FOXP2: variants seen among roughly 807,000 people sequenced by gnomAD.
FOXP2 encodes the protein forkhead box P2, also known as forkhead box protein P2.
Under a neutral mutation model 115.8 loss-of-function variants are expected in FOXP2, and 12 were observed. The ratio of observed to expected loss-of-function variants is 0.10; its 90% CI spans 0.07 to 0.17. The LOEUF is 0.17. Among genes scored for constraint, FOXP2 ranks in the 10% least tolerant of loss-of-function variants. The probability of loss-of-function intolerance (pLI) is 1.00; values close to 1 mark genes in which losing one functional copy is unlikely to be tolerated. For synonymous variants in FOXP2, 328 were observed against 297.7 expected, an observed-to-expected ratio of 1.10 and a Z score of -1.05; for missense variants, 629 against 843.5, an observed-to-expected ratio of 0.75 and a Z score of 3.15.
At chr7:114,413,277 T>G (rs930200092), upstream of FOXP2, among the ~76,000 whole-genome samples, 1 of 152,110 alleles carries the variant, frequency 6.6e-6, no homozygotes, top group Non-Finnish European at 1.5e-5. Flanking sequence ...GAGAAAAAAT[T>G]TTTAAATGAA....
chr7:114,296,652 G>T (rs1055572516), intron 2 of FOXP2, among the ~76,000 whole-genome samples: 4 of 152,074 alleles, frequency 2.6e-5, no homozygotes, highest in Non-Finnish European at 4.4e-5. Context: ...ATATAATGCC[G>T]CAATAACATA....
In FOXP2 at chr7:114,117,701, T is replaced by G. The variant is rs554327150; in HGVS notation, c.-247+29863T>G. On this transcript the variant is annotated intron_variant, in intron 1 of 19. Coordinates refer to the FOXP2 transcript ENST00000635638. ...TCCAGATGAGATTAAAACCTGGATC[T>G]CTTATTCCCCAGTGTCTTAGCTTGG... Among the ~76,000 whole-genome samples the G allele has an allele frequency of 5.3e-5, 8 of 152,278 alleles. No individual in the cohort carries two copies. In the East Asian group the frequency reaches 1.4e-3, roughly 26 times the overall value.
chr7:114,386,125 C>T (rs953318292), intron 2 of FOXP2, among the ~76,000 whole-genome samples: 6 of 152,152 alleles, frequency 3.9e-5, no homozygotes, highest in African/African-American at 1.4e-4. Flanking sequence ...CCTGCCGGAT[C>T]CAGAGGGATG....
At chr7:114,360,052 A>G (rs756550396) in intron 2 of FOXP2, among the ~76,000 whole-genome samples, 1 of 152,076 alleles carries the variant, frequency 6.6e-6, no homozygotes, top group Non-Finnish European at 1.5e-5. Flanking sequence ...CATAATCCCC[A>G]TGTGTCATGG....
intron 2 of FOXP2, among the ~76,000 whole-genome samples, chr7:114,533,572 TA>T (rs2129276755): frequency 6.6e-6 from 1 of 152,034 alleles, no homozygotes; most frequent in Admixed American, 6.6e-5. Context: ...ATAGGAATAT[TA>T]ATCCAATAAT....
chr7:114,405,452 A>G (rs1479083314), intron 2 of FOXP2, among the ~76,000 whole-genome samples: 2 of 151,884 alleles, frequency 1.3e-5, no homozygotes, highest in East Asian at 3.9e-4. Flanking sequence ...ACAATTGCTA[A>G]TATTTTATTA....
At chr7:114,403,309 C>T (rs575878309) in intron 2 of FOXP2, among the ~76,000 whole-genome samples, 1 of 152,226 alleles carries the variant, frequency 6.6e-6, no homozygotes, top group South Asian at 2.1e-4. Context: ...AAACAAAAAC[C>T]ATCTTGATTC....
intron 1 of FOXP2, among the ~76,000 whole-genome samples, chr7:114,286,715 C>A (rs916297693): frequency 6.6e-6 from 1 of 151,902 alleles, no homozygotes; most frequent in African/African-American, 2.4e-5. Context: ...ATGTTTATGA[C>A]TTTGAGTTAC....
At chr7:114,547,114 C>T (rs535975577) in intron 3 of FOXP2, among the ~76,000 whole-genome samples, 3 of 152,152 alleles carry the variant, frequency 2.0e-5, no homozygotes, top group East Asian at 3.9e-4. Context: ...CCAACTCTCT[C>T]TCATATTACT....
chr7:114,619,818 A>G (rs1029125985), intron 3 of FOXP2, among the ~76,000 whole-genome samples: 1 of 152,036 alleles, frequency 6.6e-6, no homozygotes, highest in African/African-American at 2.4e-5. Flanking sequence ...CCCCTGAAGG[A>G]CCTCTTCTAA....
intron 1 of FOXP2, among the ~76,000 whole-genome samples, chr7:114,186,536 C>T (rs1201465623): frequency 1.4e-5 from 1 of 70,922 alleles, no homozygotes; most frequent in Non-Finnish European, 5.8e-5. Flanking sequence ...AGGCCTTAGG[C>T]ATCCCTACCC....
At chr7:114,502,634 A>T (rs184765033) in intron 2 of FOXP2, among the ~76,000 whole-genome samples, 1 of 152,164 alleles carries the variant, frequency 6.6e-6, no homozygotes, top group African/African-American at 2.4e-5. Context: ...AAATTTACAC[A>T]CTTTAAGTGA....
chr7:114,405,862 G>A (rs1005850877), intron 2 of FOXP2, among the ~76,000 whole-genome samples: 27 of 151,578 alleles, frequency 1.8e-4, no homozygotes, highest in Non-Finnish European at 1.5e-5. Context: ...TAGCATATTG[G>A]CTCTCTTGCT....
intron 8 of FOXP2, among the ~76,000 whole-genome samples, chr7:114,648,118 C>G (rs1170514027): frequency 6.6e-6 from 1 of 151,956 alleles, no homozygotes; most frequent in African/African-American, 2.4e-5. Context: ...TCTTCTTTTT[C>G]ATTGCAGCTG....
intron 2 of FOXP2, chr7:114,297,536 T>C (rs565036780): frequency 3.9e-6 from 1 of 255,970 alleles, no homozygotes; most frequent in South Asian, 6.2e-5. Flanking sequence ...TTTTTTATAA[T>C]GATTTCCACT....
chr7:114,565,237 C>CT (rs938528821), intron 3 of FOXP2, among the ~76,000 whole-genome samples: 1 of 151,568 alleles, frequency 6.6e-6, no homozygotes, highest in African/African-American at 2.4e-5. Context: ...ATTTACAAGA[C>CT]TTTTTTTATT....
intron 2 of FOXP2, among the ~76,000 whole-genome samples, chr7:114,371,726 C>T (rs1252486384): frequency 6.6e-6 from 1 of 152,008 alleles, no homozygotes; most frequent in East Asian, 1.9e-4. Flanking sequence ...CTAACTGCCC[C>T]CAGTGTCTGG....
chr7:114,211,462 C>G (rs956354746), intron 1 of FOXP2, among the ~76,000 whole-genome samples: 1 of 152,210 alleles, frequency 6.6e-6, no homozygotes, highest in Non-Finnish European at 1.5e-5. Context: ...TCCTTTGGCT[C>G]TGTTCCGCTC....
chr7:114,136,802 A>G (rs985157141), intron 1 of FOXP2, among the ~76,000 whole-genome samples: 2 of 151,986 alleles, frequency 1.3e-5, no homozygotes, highest in African/African-American at 4.8e-5. Context: ...AGGAGAAGCT[A>G]GAGATTTTAT....
Sources: gnomAD v4.1 joint callset for allele counts (sites outside exome capture counted in the v4.1 genomes callset) on GRCh38, gnomAD v4.1.1 for gene constraint, MANE v1.5 for transcripts, NCBI Gene and HGNC (gene_info 2026-07-23, HGNC 2026-07-21) for gene names.